SLX9: variants seen among roughly 807,000 people sequenced by gnomAD.
The protein encoded by SLX9 is ribosome biogenesis protein SLX9 homolog.
Under a neutral mutation model 20.8 loss-of-function variants are expected in SLX9, and 19 were observed. The observed-to-expected ratio is 0.91, with a 90% CI of 0.64 to 1.34. The LOEUF is 1.34. Among genes scored for constraint, SLX9 ranks in the 40% most tolerant of loss-of-function variants. SLX9 has a pLI of 0.00. For synonymous variants in SLX9, 113 were observed against 137.1 expected (o/e 0.82, Z 1.23); for missense variants, 299 against 322.2 (o/e 0.93, Z 0.55).
rs912696848 is a variant in SLX9, at chr21:44,967,152, C to T, written c.471C>T (p.Leu157=). The T allele has an allele frequency of 1.5e-5, 24 of 1,595,432 alleles. No homozygotes were observed. Among genetic ancestry groups the T allele is most frequent in the East Asian group, 2.2e-5 (1 of 44,550 alleles). ...LRDALPELLG[L]EAGSRRQARS... Reference sequence around the variant, plus strand: ...ATGCCCTGCCCGAGCTGCTGGGGCTCGAGGCTGGCAGCCGGCGCCAAGCCC... The same window carrying T: ...ATGCCCTGCCCGAGCTGCTGGGGCTTGAGGCTGGCAGCCGGCGCCAAGCCC... Residue 157 remains leucine (L), a synonymous_variant, in exon 4 of 6, where the codon CTC becomes CTT. Transcript: ENST00000291634.
Position 44,943,795 on chromosome 21 carries a change from G to A in SLX9, c.241G>A (p.Glu81Lys), listed in dbSNP as rs780976052. The change falls in exon 2 of 6, where the codon GAG becomes AAG. Residue 81 changes from glutamate (E) to lysine (K), a missense_variant. Physicochemically the swap from Glu to Lys is moderately conservative, Grantham distance 56 (BLOSUM62 1). Transcript: ENST00000291634. ...GAGTGTCACTTCCGTCAGGAGAGGT[G>A]AGGCAGGCTCGAGTGCACGGAGCGT... ...VRSVTSVRRG[E>K]AGSSARSVPS... 11 of 1,613,166 alleles carry A rather than the reference G, an allele frequency of 6.8e-6. No homozygotes were observed. The South Asian group carries it at 1.2e-4, about 18-fold the overall frequency.
At chr21:44,941,105 T>G (rs2084539487) in intron 1 of SLX9, among the ~76,000 whole-genome samples, 1 of 152,258 alleles carries the variant, frequency 6.6e-6, no homozygotes, top group Non-Finnish European at 1.5e-5. Flanking sequence ...TAAAAAATAC[T>G]CTTTACTGAT....
At chr21:44,950,781 G>C (rs921271144) in intron 2 of SLX9, among the ~76,000 whole-genome samples, 30 of 152,298 alleles carry the variant, frequency 2.0e-4, no homozygotes, top group Admixed American at 1.8e-3. Flanking sequence ...AGGGCCTCTG[G>C]GGTTCTAGCC....
chr21:44,962,001 A>C (rs1485068828), intron 3 of SLX9, among the ~76,000 whole-genome samples: 2 of 152,230 alleles, frequency 1.3e-5, no homozygotes, highest in Non-Finnish European at 2.9e-5. Context: ...CCCTGTACCC[A>C]CCACACAGAT....
At chr21:44,971,293 C>G (rs193238899) in intron 4 of SLX9, among the ~76,000 whole-genome samples, 1 of 152,200 alleles carries the variant, frequency 6.6e-6, no homozygotes, top group African/African-American at 2.4e-5. Context: ...TGTTAGGCCT[C>G]GTGGAGTCGC....
At chr21:44,969,049 G>C in intron 4 of SLX9, 1 of 430,290 alleles carries the variant, frequency 2.3e-6, no homozygotes, top group South Asian at 1.7e-5. Context: ...CACCGCGCCT[G>C]GCCTAATTTT....
intron 2 of SLX9, chr21:44,959,268 A>G (rs2084911935): frequency 1.0e-6 from 1 of 985,352 alleles, no homozygotes; most frequent in Non-Finnish European, 1.2e-6. Context: ...GCATGAATTA[A>G]AAGAGATACT....
At chr21:44,969,167 C>T in intron 4 of SLX9, 1 of 470,790 alleles carries the variant, frequency 2.1e-6, no homozygotes, top group Non-Finnish European at 4.4e-6. Flanking sequence ...GGCCCAGCTG[C>T]CCAGGCTCGA....
chr21:44,973,178 G>A lies in SLX9; in HGVS notation c.501-19G>A. The A allele has an allele frequency of 1.2e-6, 2 of 1,613,032 alleles. No individual in the cohort carries two copies. Among genetic ancestry groups the A allele is most frequent in the Middle Eastern group, 1.7e-4 (1 of 6,048 alleles). On this transcript the variant is annotated intron_variant, in intron 4 of 5. Transcript: ENST00000291634. ...GGGGATGCTGGATGCTGACTCACGT[G>A]GCTTCTCTGTGTCCACAGCAGGGAG...
At chr21:44,970,684 G>A (rs2085126857) in intron 4 of SLX9, among the ~76,000 whole-genome samples, 1 of 152,234 alleles carries the variant, frequency 6.6e-6, no homozygotes, top group African/African-American at 2.4e-5. Flanking sequence ...TGGGCTTGAG[G>A]GGTCAGCAGG....
intron 2 of SLX9, among the ~76,000 whole-genome samples, chr21:44,958,852 G>C (rs1178327617): frequency 6.6e-6 from 1 of 152,224 alleles, no homozygotes; most frequent in Non-Finnish European, 1.5e-5. Context: ...GAGCCGGGAA[G>C]GATCACTGTG....
intron 4 of SLX9, among the ~76,000 whole-genome samples, chr21:44,971,223 G>A (rs1043354439): frequency 6.6e-6 from 1 of 152,348 alleles, no homozygotes; most frequent in East Asian, 1.9e-4. Flanking sequence ...GAGTGCCGTG[G>A]GGGCTGGTGA....
chr21:44,947,254 C>T (rs2084660383), intron 2 of SLX9, among the ~76,000 whole-genome samples: 1 of 152,196 alleles, frequency 6.6e-6, no homozygotes, highest in African/African-American at 2.4e-5. Context: ...TTCAATGACC[C>T]GCCTGGCTAT....
intron 2 of SLX9, among the ~76,000 whole-genome samples, chr21:44,949,993 G>T (rs537626897): frequency 2.0e-5 from 3 of 152,174 alleles, no homozygotes; most frequent in Non-Finnish European, 2.9e-5. Flanking sequence ...GACAGTCCCG[G>T]GATAGAGACG....
chr21:44,949,074 C>A (rs993850174), intron 2 of SLX9, among the ~76,000 whole-genome samples: 1 of 152,204 alleles, frequency 6.6e-6, no homozygotes, highest in Non-Finnish European at 1.5e-5. Context: ...CAGCCCCAAC[C>A]CCCCTTTGAG....
intron 2 of SLX9, among the ~76,000 whole-genome samples, chr21:44,948,476 G>A (rs1298422609): frequency 6.6e-6 from 1 of 152,272 alleles, no homozygotes; most frequent in Non-Finnish European, 1.5e-5. Context: ...CTAGTTCTGT[G>A]TTCCTTCATA....
At chr21:44,957,568 C>T (rs1026340607) in intron 2 of SLX9, among the ~76,000 whole-genome samples, 1 of 152,250 alleles carries the variant, frequency 6.6e-6, no homozygotes, top group Non-Finnish European at 1.5e-5. Context: ...GGACCCAGAT[C>T]GCAGGAGCCA....
intron 2 of SLX9, among the ~76,000 whole-genome samples, chr21:44,953,092 T>C (rs906035850): frequency 2.6e-5 from 4 of 152,098 alleles, no homozygotes; most frequent in Non-Finnish European, 5.9e-5. Flanking sequence ...CCACCTGGTG[T>C]GTTTTCCAGA....
In SLX9 at chr21:44,967,187, T is replaced by C. The variant is rs567876115; in HGVS notation, c.500+6T>C. On this transcript the variant is annotated splice_donor_region_variant and intron_variant, in intron 4 of 5. Transcript: ENST00000291634. ...AGCCGGCGCCAAGCCCGCAGGTGAG[T>C]GTCCGGGAGGGGTGGCCCTTTCCGA... The C allele has an allele frequency of 2.6e-6, 4 of 1,567,640 alleles. No individual in the cohort carries two copies. In the South Asian group the frequency reaches 3.6e-5, roughly 14 times the overall value.
Sources: gnomAD v4.1 joint callset for allele counts (sites outside exome capture counted in the v4.1 genomes callset) on GRCh38, gnomAD v4.1.1 for gene constraint, MANE v1.5 for transcripts, NCBI Gene and HGNC (gene_info 2026-07-23, HGNC 2026-07-21) for gene names.